Variants in PDXDC1 observed in about 807,000 individuals in gnomAD.
PDXDC1 encodes pyridoxal-dependent decarboxylase domain-containing protein 1.
A neutral mutation model predicts 100.1 loss-of-function variants in PDXDC1; 42 were observed. That is an observed-to-expected ratio of 0.42 (90% CI 0.33 to 0.54). The LOEUF is 0.54. PDXDC1 is among the 20% of genes least tolerant of loss of function. PDXDC1 has a pLI of 0.10. For synonymous variants in PDXDC1, 260 were observed against 371.7 expected (o/e 0.70, Z 3.46); for missense variants, 636 against 979.2 (o/e 0.65, Z 4.68).
intron 16 of PDXDC1, chr16:15,108,130 C>G (rs2046880503): frequency 1.2e-6 from 1 of 820,890 alleles, no homozygotes; most frequent in Admixed American, 6.2e-5. Context: ...AACTGCAAAC[C>G]ATCCACCCTG....
chr16:15,094,102 G>A (rs1432493695), intron 16 of PDXDC1: 1 of 1,529,266 alleles, frequency 6.5e-7, no homozygotes, highest in Admixed American at 1.9e-5. Context: ...GCCGTCCTGA[G>A]CTTTCGTCCC....
chr16:14,990,218 C>T (rs1970445148), intron 1 of PDXDC1: 2 of 998,292 alleles, frequency 2.0e-6, no homozygotes, highest in Admixed American at 5.6e-5. Context: ...CCGCCCAGCC[C>T]ACCGGCCCGG....
chr16:15,117,785 G>A lies in PDXDC1; in HGVS notation c.1400-21094G>A, dbSNP rs1231787243. On this transcript the variant is annotated intron_variant, in intron 16 of 16. Transcript: ENST00000535621. ...CTAAGTGGCATAGAGAATGTTAAAT[G>A]TGCCTAGATATCTTCATAACTCATA... Among the ~76,000 whole-genome samples the A allele has an allele frequency of 3.5e-5, 3 of 84,820 alleles. No individual in the cohort carries two copies. The East Asian group carries it at 9.0e-4, about 26-fold the overall frequency. 55.6% of individuals were successfully genotyped at this position (84,820 alleles called of 152,430 possible). A position where few individuals can be genotyped will look rare whatever the true frequency, so the allele number is the denominator to read the frequency against.
chr16:15,028,987 C>A, intron 15 of PDXDC1, 21 bp downstream of exon 15: 1 of 1,607,940 alleles, frequency 6.2e-7, no homozygotes, highest in South Asian at 1.1e-5. Context: ...CAGTCACCCC[C>A]CTTTCCTTTC....
chr16:15,104,781 G>A (rs750358965), intron 16 of PDXDC1: 2 of 1,583,588 alleles, frequency 1.3e-6, no homozygotes, highest in Non-Finnish European at 1.7e-6. Flanking sequence ...AGGAGGGAAT[G>A]TTTTCACACA....
At position 15,094,515 on chromosome 16, in the gene PDXDC1, C is replaced by G. The variant is rs1335101644; in HGVS notation, c.1400-44364C>G. ...GGATCCCGAAGAAAGGGTGGAAACA[C>G]CCTGGATGTGCTAAGCTGTGGCCGG... On this transcript the variant is annotated intron_variant, in intron 16 of 16. Transcript: ENST00000535621. 7.6e-6 allele frequency: 4 copies of G among 524,284 alleles called. No homozygotes were observed. The East Asian group carries it at 1.0e-4, about 14-fold the overall frequency. 32.5% of individuals were successfully genotyped at this position (524,284 alleles called of 1,614,324 possible). A position where few individuals can be genotyped will look rare whatever the true frequency, so the allele number is the denominator to read the frequency against.
At position 15,133,427 on chromosome 16, in the gene PDXDC1, C is replaced by A. The variant is rs557914017; in HGVS notation, c.1400-5452C>A. On this transcript the variant is annotated intron_variant, in intron 16 of 16. Transcript: ENST00000535621. ...TGGGAGGGTGATGGCCAGAGACCTA[C>A]GAGCAGAGGGGGGTGGTGAGCAGGT... The A allele has an allele frequency of 5.9e-6, 6 of 1,019,078 alleles. No homozygotes were observed. The South Asian group carries it at 7.9e-5, about 13-fold the overall frequency. The allele number at this position is 1,019,078 out of a possible 1,614,324, so 63.1% of individuals were successfully genotyped here.
intron 16 of PDXDC1, chr16:15,094,213 G>C (rs764410523): frequency 1.9e-6 from 3 of 1,595,670 alleles, no homozygotes; most frequent in South Asian, 2.3e-5. Context: ...GCAAACGCGT[G>C]TGAAGCAGCG....
intron 1 of PDXDC1, among the ~76,000 whole-genome samples, chr16:14,993,097 AT>A (rs1180799898): frequency 7.9e-5 from 12 of 151,170 alleles, no homozygotes; most frequent in African/African-American, 1.7e-4. Flanking sequence ...CTCCCAAAGA[AT>A]TTTTTTTTTC....
At position 15,109,855 on chromosome 16, in the gene PDXDC1, T is replaced by TA. The variant is rs1177596848; in HGVS notation, c.1400-29008dup. On this transcript the variant is annotated intron_variant, in intron 16 of 16. Transcript: ENST00000535621. ...CAGAGCGAGACTCTATCTCAAAATT[T>TA]AAAAAAAAAAAAAAAAGGCTGGGTG... 7.6e-3 allele frequency among the ~76,000 whole-genome samples: 818 copies of TA among 107,584 alleles called. 17 individuals are homozygous for TA. The highest frequency in any genetic ancestry group is 0.012 in the Non-Finnish European group (597 of 50,380). 70.6% of individuals were successfully genotyped at this position (107,584 alleles called of 152,430 possible).
intron 1 of PDXDC1, among the ~76,000 whole-genome samples, chr16:14,977,753 C>T (rs1273224300): frequency 6.6e-6 from 1 of 152,250 alleles, no homozygotes; most frequent in African/African-American, 2.4e-5. Context: ...TTCATTATTC[C>T]TGTTTCTTTG....
chr16:15,057,261 C>T (rs1251847645), intron 16 of PDXDC1, among the ~76,000 whole-genome samples: 2 of 152,132 alleles, frequency 1.3e-5, no homozygotes, highest in Non-Finnish European at 2.9e-5. Flanking sequence ...CAACTTCTCA[C>T]CCAAAATAAC....
intron 16 of PDXDC1, among the ~76,000 whole-genome samples, chr16:15,109,738 G>C (rs1044097520): frequency 6.3e-5 from 8 of 127,746 alleles, no homozygotes; most frequent in African/African-American, 2.4e-4. Flanking sequence ...TGTAATCCAA[G>C]CTACTCGGGA....
At chr16:15,132,927 A>C in intron 16 of PDXDC1, 1 of 1,582,632 alleles carries the variant, frequency 6.3e-7, no homozygotes, top group Non-Finnish European at 8.6e-7. Context: ...GACCGGCAGG[A>C]GGCCAGCAGA....
intron 16 of PDXDC1, chr16:15,104,645 T>C: frequency 1.3e-6 from 2 of 1,598,020 alleles, no homozygotes; most frequent in Non-Finnish European, 1.7e-6. Flanking sequence ...TAGAATGTTG[T>C]TGAGTTGGAG....
At chr16:14,998,137 G>A (rs548804441) in intron 2 of PDXDC1, among the ~76,000 whole-genome samples, 473 of 152,228 alleles carry the variant, frequency 3.1e-3, no homozygotes, top group African/African-American at 0.011. Flanking sequence ...GAAGTGGGTG[G>A]AACTTTTTTG....
intron 16 of PDXDC1, chr16:15,136,074 C>T (rs975201345): frequency 1.1e-5 from 18 of 1,580,720 alleles, no homozygotes; most frequent in East Asian, 6.7e-5. Flanking sequence ...CGCCCTGCGG[C>T]GCTGGGCCCA....
intron 16 of PDXDC1, chr16:15,130,397 C>G: frequency 6.3e-7 from 1 of 1,579,594 alleles, no homozygotes; most frequent in Non-Finnish European, 8.6e-7. Flanking sequence ...CCTCCAGCGC[C>G]GACAGGCGGA....
At chr16:15,015,324 T>C (rs1438217156) in intron 8 of PDXDC1, among the ~76,000 whole-genome samples, 1 of 152,292 alleles carries the variant, frequency 6.6e-6, no homozygotes, top group Non-Finnish European at 1.5e-5. Context: ...GAAAAGTTTA[T>C]CTTGGACAAA....
Sources: allele counts gnomAD v4.1 joint callset (sites outside exome capture counted in the v4.1 genomes callset), GRCh38; gene constraint gnomAD v4.1.1; transcripts MANE v1.5; gene names NCBI Gene and HGNC (gene_info 2026-07-23, HGNC 2026-07-21).